LRRC4C: variants seen among roughly 807,000 people sequenced by gnomAD.
LRRC4C encodes leucine-rich repeat-containing protein 4C.
Under a neutral mutation model 33.6 loss-of-function variants are expected in LRRC4C, and 5 were observed. That is an observed-to-expected ratio of 0.15 (90% CI 0.08 to 0.31). The LOEUF (loss-of-function observed/expected upper bound fraction) is 0.31. LRRC4C is among the 10% of genes least tolerant of loss of function. The pLI, the probability that LRRC4C is intolerant of heterozygous loss-of-function variation, is 1.00. For missense variants in LRRC4C, 560 were observed against 796.7 expected, an observed-to-expected ratio of 0.70 and a Z score of 3.58; for synonymous variants, 329 against 302.0, an observed-to-expected ratio of 1.09 and a Z score of -0.93.
At chr11:40,725,995 G>A (rs546692126) in intron 2 of LRRC4C, among the ~76,000 whole-genome samples, 2 of 152,158 alleles carry the variant, frequency 1.3e-5, no homozygotes, top group South Asian at 4.1e-4. Context: ...TAGATCCTCA[G>A]AGATTATTAG....
chr11:41,418,972 AAT>A (rs1555168903), intron 1 of LRRC4C, among the ~76,000 whole-genome samples: 1 of 151,892 alleles, frequency 6.6e-6, no homozygotes, highest in Non-Finnish European at 1.5e-5. Flanking sequence ...GTTTAGTAAA[AAT>A]ATGTTTAGAT....
chr11:40,849,174 C>T (rs777192024), intron 2 of LRRC4C, among the ~76,000 whole-genome samples: 18 of 152,172 alleles, frequency 1.2e-4, no homozygotes, highest in Non-Finnish European at 2.1e-4. Context: ...TAAATTTGAT[C>T]ATGTCATTAT....
chr11:40,567,178 T>C (rs1591128439), intron 3 of LRRC4C, among the ~76,000 whole-genome samples: 1 of 152,182 alleles, frequency 6.6e-6, no homozygotes, highest in East Asian at 1.9e-4. Flanking sequence ...AATTTTATAG[T>C]ACTGCCTCTA....
intron 1 of LRRC4C, among the ~76,000 whole-genome samples, chr11:41,159,780 G>T (rs1249605311): frequency 2.0e-5 from 3 of 152,008 alleles, no homozygotes; most frequent in Admixed American, 6.6e-5. Flanking sequence ...TACTGGAAAG[G>T]TCAATCAAAT....
chr11:40,404,499 A>G (rs570099224), intron 3 of LRRC4C, among the ~76,000 whole-genome samples: 46 of 152,224 alleles, frequency 3.0e-4, no homozygotes, highest in Non-Finnish European at 3.1e-4. Flanking sequence ...CTCGTCCTGC[A>G]ATTCTCCCAC....
chr11:40,449,832 C>A (rs929816172), intron 3 of LRRC4C, among the ~76,000 whole-genome samples: 1 of 152,098 alleles, frequency 6.6e-6, no homozygotes, highest in Non-Finnish European at 1.5e-5. Context: ...GAAAGCAAAA[C>A]AGCATTAAAG....
At chr11:41,071,023 C>A (rs538835039) in intron 1 of LRRC4C, among the ~76,000 whole-genome samples, 1 of 152,070 alleles carries the variant, frequency 6.6e-6, no homozygotes, top group East Asian at 1.9e-4. Context: ...CAATGTTAGA[C>A]CAGATAAAGA....
At chr11:41,313,572 G>C (rs1950700922) in intron 1 of LRRC4C, among the ~76,000 whole-genome samples, 1 of 152,158 alleles carries the variant, frequency 6.6e-6, no homozygotes, top group Non-Finnish European at 1.5e-5. Context: ...TCTTGAGACA[G>C]TGCTCATTTA....
At chr11:41,118,985 A>G (rs1042242703) in intron 1 of LRRC4C, among the ~76,000 whole-genome samples, 7 of 152,070 alleles carry the variant, frequency 4.6e-5, no homozygotes, top group African/African-American at 1.7e-4. Flanking sequence ...GTTAAATTTA[A>G]AAGACATTGC....
At chr11:40,263,223 T>A (rs2136277646) in intron 4 of LRRC4C, among the ~76,000 whole-genome samples, 1 of 152,238 alleles carries the variant, frequency 6.6e-6, no homozygotes, top group East Asian at 1.9e-4. Context: ...ACAAATTATA[T>A]GCCAGACTGT....
chr11:40,129,025 T>C (rs1856462222), intron 6 of LRRC4C, among the ~76,000 whole-genome samples: 1 of 152,112 alleles, frequency 6.6e-6, no homozygotes, highest in Non-Finnish European at 1.5e-5. Context: ...TTCCATGGAG[T>C]AGAGACTTGT....
intron 3 of LRRC4C, among the ~76,000 whole-genome samples, chr11:40,458,205 A>G (rs1227119206): frequency 3.9e-5 from 6 of 152,106 alleles, no homozygotes; most frequent in African/African-American, 1.4e-4. Context: ...CCTTGTTACC[A>G]GCCATGGACT....
chr11:40,581,713 C>T (rs897661618), intron 3 of LRRC4C, among the ~76,000 whole-genome samples: 1 of 152,028 alleles, frequency 6.6e-6, no homozygotes, highest in Non-Finnish European at 1.5e-5. Context: ...ACCAGCCTGG[C>T]CAGCATGGTG....
intron 4 of LRRC4C, among the ~76,000 whole-genome samples, chr11:40,242,200 A>T (rs1449881249): frequency 6.6e-6 from 1 of 152,122 alleles, no homozygotes; most frequent in African/African-American, 2.4e-5. Context: ...TTCTTATTGC[A>T]TTACAATTTT....
intron 1 of LRRC4C, among the ~76,000 whole-genome samples, chr11:41,199,365 A>T (rs933333086): frequency 1.3e-5 from 2 of 152,116 alleles, no homozygotes; most frequent in East Asian, 1.9e-4. Context: ...GGGGAGTGTC[A>T]GCCTTCCTGT....
chr11:41,045,358 T>G (rs1028969574), intron 1 of LRRC4C, among the ~76,000 whole-genome samples: 2 of 152,116 alleles, frequency 1.3e-5, no homozygotes, highest in African/African-American at 4.8e-5. Context: ...TTCAAGCTGT[T>G]TCGTTCCCAT....
At chr11:40,280,235 A>G (rs1943379161) in intron 4 of LRRC4C, among the ~76,000 whole-genome samples, 1 of 152,172 alleles carries the variant, frequency 6.6e-6, no homozygotes, top group Non-Finnish European at 1.5e-5. Context: ...GTAGACAGAG[A>G]GAGATGGGAC....
intron 1 of LRRC4C, among the ~76,000 whole-genome samples, chr11:41,099,867 G>A (rs1290197721): frequency 1.3e-5 from 2 of 152,048 alleles, no homozygotes; most frequent in African/African-American, 4.8e-5. Context: ...TAAATAAAGG[G>A]TATCCAAATA....
chr11:40,865,558 G>A (rs1004663232), intron 2 of LRRC4C, among the ~76,000 whole-genome samples: 3 of 150,578 alleles, frequency 2.0e-5, no homozygotes, highest in Non-Finnish European at 4.4e-5. Flanking sequence ...TGTTGTATGT[G>A]ATGAATATGT....
Sources: gnomAD v4.1 joint callset for allele counts (sites outside exome capture counted in the v4.1 genomes callset) on GRCh38, gnomAD v4.1.1 for gene constraint, MANE v1.5 for transcripts, NCBI Gene and HGNC (gene_info 2026-07-23, HGNC 2026-07-21) for gene names.